ADD2: variants seen among roughly 807,000 people sequenced by gnomAD.
ADD2 encodes adducin 2.
In ADD2, 23 loss-of-function variants were observed where a neutral mutation model predicts 83.0. The observed-to-expected ratio is 0.28, with a 90% CI of 0.20 to 0.39. The LOEUF is 0.39. Ranked by LOEUF, ADD2 falls within the 10% of genes least tolerant of loss-of-function variation. ADD2 has a pLI of 1.00. For synonymous variants in ADD2, 375 were observed against 375.4 expected (o/e 1.00, Z 0.01); for missense variants, 758 against 944.9 (o/e 0.80, Z 2.59).
intron 12 of ADD2, among the ~76,000 whole-genome samples, chr2:70,677,484 T>C (rs543020687): frequency 3.9e-5 from 6 of 152,350 alleles, no homozygotes; most frequent in East Asian, 3.9e-4. Context: ...GAAAATGGTA[T>C]AAAATTTATT....
At chr2:70,710,381 T>G (rs1455809538) in intron 2 of ADD2, among the ~76,000 whole-genome samples, 2 of 152,264 alleles carry the variant, frequency 1.3e-5, no homozygotes, top group Non-Finnish European at 2.9e-5. Flanking sequence ...CTGCCCTCCC[T>G]GAAGTACAAA....
chr2:70,723,085 G>A (rs2104443265), intron 1 of ADD2, among the ~76,000 whole-genome samples: 1 of 152,274 alleles, frequency 6.6e-6, no homozygotes, highest in South Asian at 2.1e-4. Context: ...AAGGACCCAG[G>A]GAATTGGTTC....
At chr2:70,664,694 T>G (rs553855517) in intron 15 of ADD2, among the ~76,000 whole-genome samples, 43 of 152,174 alleles carry the variant, frequency 2.8e-4, no homozygotes, top group African/African-American at 9.6e-4. Flanking sequence ...GGAGTGTGTG[T>G]GGGTGAGCAC....
Position 70,663,673 on chromosome 2 carries a change from C to T in ADD2, c.1933G>A (p.Glu645Lys). The T allele has an allele frequency of 6.2e-7, 1 of 1,614,138 alleles. No individual in the cohort carries two copies. Among genetic ancestry groups the T allele is most frequent in the Non-Finnish European group, 8.5e-7 (1 of 1,180,024 alleles). The change falls in exon 16 of 16, where the codon GAA becomes AAA. Residue 645 changes from glutamate (E) to lysine (K), a missense_variant. Physicochemically the swap from Glu to Lys is moderately conservative, Grantham distance 56 (BLOSUM62 1). Transcript: ENST00000264436. ...TCCCTCCCGTTGACCACCACCCCTT[C>T]CGGCTGGGTTGTTTCGGGCTCTGTG... ...ATTEPETTQPEGVVVNGREEE... is the reference protein window; with the variant it reads ...ATTEPETTQPKGVVVNGREEE...
chr2:70,746,596 G>A (rs543819281), intron 1 of ADD2, among the ~76,000 whole-genome samples: 8 of 152,294 alleles, frequency 5.3e-5, no homozygotes, highest in African/African-American at 1.7e-4. Context: ...TCTAACTCAC[G>A]CAGTCTGACT....
At chr2:70,738,023 A>G (rs7355334) in intron 1 of ADD2, among the ~76,000 whole-genome samples, 10,404 of 152,280 alleles carry the variant, frequency 0.068, 681 homozygotes, top group African/African-American at 0.17. Flanking sequence ...GCAGAGCTGA[A>G]CAATGGATCT....
At chr2:70,710,620 A>G (rs1553375313) in intron 2 of ADD2, among the ~76,000 whole-genome samples, 3 of 152,212 alleles carry the variant, frequency 2.0e-5, no homozygotes, top group African/African-American at 7.2e-5. Context: ...TCTGTCTCCA[A>G]AAAGTTATGT....
intron 1 of ADD2, among the ~76,000 whole-genome samples, chr2:70,749,142 G>A (rs577254919): frequency 4.6e-5 from 7 of 152,220 alleles, no homozygotes; most frequent in South Asian, 2.1e-4. Flanking sequence ...TTCACAAGGC[G>A]GCAGGAGAAA....
intron 1 of ADD2, among the ~76,000 whole-genome samples, chr2:70,736,125 G>T (rs782732095): frequency 1.4e-4 from 22 of 152,094 alleles, no homozygotes; most frequent in Admixed American, 5.2e-4. Context: ...TAACTGCCGG[G>T]GGTGGGGGGC....
chr2:70,708,302 G>A (rs1251152414), intron 2 of ADD2, among the ~76,000 whole-genome samples: 1 of 152,190 alleles, frequency 6.6e-6, no homozygotes, highest in Non-Finnish European at 1.5e-5. Flanking sequence ...CTGATGGCCT[G>A]AGCCCTCAGC....
chr2:70,706,350 TA>T lies in ADD2; in HGVS notation c.58del (p.Tyr20ThrfsTer28), dbSNP rs1553374466. The T allele has an allele frequency of 6.2e-7, 1 of 1,613,568 alleles. No individual in the cohort carries two copies. Among genetic ancestry groups the T allele is most frequent in the Middle Eastern group, 1.7e-4 (1 of 6,060 alleles). ...GTCGTCCTCTGAGAAGCGGTCAAAG[TA>T]AGGCTGCCCCTGCGGGGGCGGCGGC... ...ASPPPPQGQPYFDRFSEDDPE... is the reference protein window; with the variant it reads ...ASPPPPQGQPXFDRFSEDDPE... On this transcript the variant is annotated frameshift_variant, in exon 3 of 16. Transcript: ENST00000264436. LOFTEE classifies it high-confidence loss of function. The surrounding 1 kb of genome is among the most constrained non-coding windows in gnomAD (Gnocchi z 5.0).
chr2:70,709,920 T>C (rs1672091284), intron 2 of ADD2, among the ~76,000 whole-genome samples: 1 of 152,022 alleles, frequency 6.6e-6, no homozygotes, highest in East Asian at 1.9e-4. Context: ...GATGACAAAG[T>C]CAAACATAAT....
intron 13 of ADD2, chr2:70,675,370 C>T (rs75139347): frequency 0.096 from 94,148 of 985,722 alleles, 4,583 homozygotes; most frequent in Middle Eastern, 0.11. Flanking sequence ...TTGTAAGTGA[C>T]AAAGGGGCCA....
intron 1 of ADD2, among the ~76,000 whole-genome samples, chr2:70,727,580 C>T (rs1673070115): frequency 6.6e-6 from 1 of 152,128 alleles, no homozygotes; most frequent in African/African-American, 2.4e-5. Flanking sequence ...TGCCTTGACT[C>T]ACTGGCTCCT....
chr2:70,665,451 C>T (rs1217185258), intron 15 of ADD2, among the ~76,000 whole-genome samples: 1 of 152,174 alleles, frequency 6.6e-6, no homozygotes, highest in Non-Finnish European at 1.5e-5. Context: ...GTGTCCCATC[C>T]CGTCCCGCCA....
intron 7 of ADD2, chr2:70,691,483 C>A (rs922302963): frequency 1.1e-4 from 16 of 152,244 alleles, no homozygotes; most frequent in African/African-American, 3.6e-4. Context: ...CAATCTCTTG[C>A]CCCTGGAACT....
At chr2:70,757,069 C>G (rs1291053849) in intron 1 of ADD2, among the ~76,000 whole-genome samples, 4 of 152,156 alleles carry the variant, frequency 2.6e-5, no homozygotes, top group African/African-American at 9.7e-5. Context: ...CTCAAGTGAT[C>G]CATCTGCCTC....
chr2:70,706,310 G>A lies in ADD2; in HGVS notation c.99C>T (p.Arg33=). ...RFSEDDPEYM[R]LRNRAADLRQ... ...GCAGGTCCGCCGCCCGGTTGCGAAGGCGCATGTACTCGGGGTCGTCCTCTG... is the reference window on the plus strand; with the variant it reads ...GCAGGTCCGCCGCCCGGTTGCGAAGACGCATGTACTCGGGGTCGTCCTCTG... Residue 33 remains arginine (R), a synonymous_variant, in exon 3 of 16, where the codon CGC becomes CGT. Coordinates refer to ENST00000264436, the MANE Select transcript of ADD2 (RefSeq NM_001617.4). This position sits in a 1 kb window ranked among gnomAD's most constrained non-coding sequence, Gnocchi z 5.0. The A allele has an allele frequency of 6.2e-7, 1 of 1,614,120 alleles. No individual in the cohort carries two copies. The highest frequency in any genetic ancestry group is 8.5e-7 in the Non-Finnish European group (1 of 1,180,020).
intron 3 of ADD2, 30 bp from the exon 4 acceptor site, chr2:70,704,489 C>T (rs1671788588): frequency 1.2e-6 from 2 of 1,612,120 alleles, no homozygotes; most frequent in Non-Finnish European, 1.7e-6. Context: ...GCTTGTCCCC[C>T]CACAGCCTCT....
Sources: gnomAD v4.1 joint callset for allele counts (sites outside exome capture counted in the v4.1 genomes callset) on GRCh38, gnomAD v4.1.1 for gene constraint, Gnocchi (gnomAD v3.1) non-coding constraint, MANE v1.5 for transcripts, NCBI Gene and HGNC (gene_info 2026-07-23, HGNC 2026-07-21) for gene names.